DEK: variants seen among roughly 807,000 people sequenced by gnomAD.
The protein encoded by DEK is DEK proto-oncogene, also known as protein DEK.
In DEK, 28 loss-of-function variants were observed where a neutral mutation model predicts 46.8. The ratio of observed to expected loss-of-function variants is 0.60; its 90% confidence interval spans 0.44 to 0.82. The LOEUF (loss-of-function observed/expected upper bound fraction) is 0.82, where lower values mean the gene tolerates loss of function less well. DEK is among the 40% of genes least tolerant of loss of function. DEK has a pLI of 0.00. For synonymous variants in DEK, 160 were observed against 144.5 expected, an observed-to-expected ratio of 1.11 and a Z score of -0.77; for missense variants, 416 against 430.6, an observed-to-expected ratio of 0.97 and a Z score of 0.30.
intron 9 of DEK, among the ~76,000 whole-genome samples, chr6:18,230,878 T>C (rs1421513685): frequency 1.3e-5 from 2 of 152,210 alleles, no homozygotes; most frequent in Non-Finnish European, 2.9e-5. Context: ...CAAGCGGACC[T>C]AACAGACATC....
At chr6:18,226,320 G>A in intron 9 of DEK, 78 bp from the exon 10 acceptor site, 1 of 1,197,816 alleles carries the variant, frequency 8.3e-7, no homozygotes, top group Non-Finnish European at 1.1e-6. Flanking sequence ...ATAAAAGCAG[G>A]AAATCTGCTA....
Position 18,264,493 on chromosome 6 carries a change from C to A in DEK, c.-118G>T, listed in dbSNP as rs779413365. The A allele has an allele frequency of 3.9e-6, 1 of 253,372 alleles. No homozygotes were observed. The highest frequency in any genetic ancestry group is 7.9e-6 in the Non-Finnish European group (1 of 126,840). 15.7% of individuals were successfully genotyped at this position (253,372 alleles called of 1,614,324 possible). On this transcript the variant is annotated 5_prime_UTR_variant, in exon 1 of 11. Transcript: ENST00000652689. Reference sequence around the variant, plus strand: ...GCGCGCGGGCCGCTGTCTGGCGTGACGCTCGCGCCGCGCGCTCGGCTCCCC... The same window carrying A: ...GCGCGCGGGCCGCTGTCTGGCGTGAAGCTCGCGCCGCGCGCTCGGCTCCCC...
In DEK at chr6:18,264,226, C is replaced by A. The variant is rs1792008593; in HGVS notation, c.-10+159G>T. 1.9e-5 allele frequency: 6 copies of A among 321,626 alleles called. No homozygotes were observed. The East Asian group carries it at 3.2e-4, about 17-fold the overall frequency. 19.9% of individuals were successfully genotyped at this position (321,626 alleles called of 1,614,324 possible). A position where few individuals can be genotyped will look rare whatever the true frequency, so the allele number is the denominator to read the frequency against. ...AACCGCGCCCGCTGCCCCGCGTGCG[C>A]GCGCGCCCGCCCGGCCTGCGCTGTT... On this transcript the variant is annotated intron_variant, in intron 1 of 10. Coordinates refer to ENST00000652689, the MANE Select transcript of DEK (RefSeq NM_003472.4).
intron 9 of DEK, among the ~76,000 whole-genome samples, chr6:18,230,971 T>C (rs1198015983): frequency 4.6e-5 from 7 of 152,188 alleles, no homozygotes; most frequent in South Asian, 4.1e-4. Context: ...GACCACATAG[T>C]TGGAAGTAAA....
chr6:18,241,440 T>C (rs1297274882), intron 7 of DEK, among the ~76,000 whole-genome samples: 2 of 152,222 alleles, frequency 1.3e-5, no homozygotes, highest in Non-Finnish European at 2.9e-5. Flanking sequence ...GCTTAACAAT[T>C]ACCTCCTCTA....
chr6:18,251,895 G>A (rs1297768721), intron 6 of DEK, among the ~76,000 whole-genome samples: 1 of 151,780 alleles, frequency 6.6e-6, no homozygotes, highest in African/African-American at 2.4e-5. Flanking sequence ...AAAGTGAAAA[G>A]ATGTTAAGTT....
chr6:18,262,607 A>T (rs542089092), intron 2 of DEK, among the ~76,000 whole-genome samples: 4 of 152,152 alleles, frequency 2.6e-5, no homozygotes, highest in African/African-American at 9.7e-5. Flanking sequence ...TGACTTCTCT[A>T]ATTTTTTCCT....
intron 6 of DEK, among the ~76,000 whole-genome samples, chr6:18,255,177 T>C (rs1010254085): frequency 1.3e-5 from 2 of 152,242 alleles, no homozygotes; most frequent in African/African-American, 4.8e-5. Context: ...GCAAACCTAC[T>C]AGCTTTTAGG....
intron 7 of DEK, chr6:18,244,452 T>C: frequency 1.4e-5 from 12 of 886,810 alleles, no homozygotes; most frequent in South Asian, 1.3e-4. Context: ...ATCAGAGGAA[T>C]GACATAAGCA....
chr6:18,232,639 A>T lies in DEK; in HGVS notation c.1047+3813T>A, dbSNP rs201963464. 1.6e-3 allele frequency among the ~76,000 whole-genome samples: 249 copies of T among 152,304 alleles called. 5 individuals carry two copies. Among genetic ancestry groups the T allele is most frequent in the Admixed American group, 0.014 (214 of 15,298 alleles). On this transcript the variant is annotated intron_variant, in intron 9 of 10. Coordinates refer to ENST00000652689, the MANE Select transcript of DEK (RefSeq NM_003472.4). Reference sequence around the variant, plus strand: ...CTTCAAAGAGATTAAAATACCTAGGAATCCAACTTAACAAGGGATGTGAAG... The same window carrying T: ...CTTCAAAGAGATTAAAATACCTAGGTATCCAACTTAACAAGGGATGTGAAG...
intron 9 of DEK, among the ~76,000 whole-genome samples, chr6:18,232,770 A>G (rs1790466500): frequency 6.6e-6 from 1 of 152,198 alleles, no homozygotes; most frequent in African/African-American, 2.4e-5. Flanking sequence ...CAATATCTTG[A>G]AAATGGCCAT....
chr6:18,231,471 A>G (rs1790411551), intron 9 of DEK, among the ~76,000 whole-genome samples: 1 of 152,342 alleles, frequency 6.6e-6, no homozygotes, highest in East Asian at 1.9e-4. Flanking sequence ...ATAGACCGCT[A>G]GCAAGACTAA....
intron 7 of DEK, among the ~76,000 whole-genome samples, chr6:18,243,919 A>T (rs998352522): frequency 1.3e-5 from 2 of 152,188 alleles, no homozygotes; most frequent in African/African-American, 4.8e-5. Context: ...GTGAGCCATG[A>T]TCTCACCACT....
chr6:18,235,672 A>G (rs1178892290), intron 9 of DEK, among the ~76,000 whole-genome samples: 1 of 152,140 alleles, frequency 6.6e-6, no homozygotes, highest in Non-Finnish European at 1.5e-5. Context: ...TTTTTTTGGT[A>G]GAGACGGGAT....
At chr6:18,240,654 C>A (rs371210073) in intron 7 of DEK, among the ~76,000 whole-genome samples, 1 of 152,156 alleles carries the variant, frequency 6.6e-6, no homozygotes, top group African/African-American at 2.4e-5. Flanking sequence ...ATAACTTAAA[C>A]TTTCTAAGTG....
At chr6:18,257,764 C>A (rs931034038) in intron 4 of DEK, among the ~76,000 whole-genome samples, 189 bp downstream of exon 4, 1 of 151,854 alleles carries the variant, frequency 6.6e-6, no homozygotes, top group Non-Finnish European at 1.5e-5. Context: ...GAAGACAGAG[C>A]CCTGGATATT....
chr6:18,240,959 C>T (rs938600523), intron 7 of DEK, among the ~76,000 whole-genome samples: 1 of 152,126 alleles, frequency 6.6e-6, no homozygotes, highest in Non-Finnish European at 1.5e-5. Context: ...TATAGTAATA[C>T]GTCATGTCAT....
chr6:18,243,121 G>A (rs965579601), intron 7 of DEK, among the ~76,000 whole-genome samples: 1 of 152,078 alleles, frequency 6.6e-6, no homozygotes, highest in Non-Finnish European at 1.5e-5. Context: ...TGAAGAGAAA[G>A]CACTAAAAAA....
At chr6:18,253,177 G>A (rs1198907801) in intron 6 of DEK, among the ~76,000 whole-genome samples, 1 of 150,828 alleles carries the variant, frequency 6.6e-6, no homozygotes, top group African/African-American at 2.4e-5. Context: ...TCGGCTTACT[G>A]CAAGCTTCAC....
Sources: allele counts gnomAD v4.1 joint callset (sites outside exome capture counted in the v4.1 genomes callset), GRCh38; gene constraint gnomAD v4.1.1; transcripts MANE v1.5; gene names NCBI Gene and HGNC (gene_info 2026-07-23, HGNC 2026-07-21).